B3GALT9: variants seen among roughly 807,000 people sequenced by gnomAD.
B3GALT9 encodes the protein beta-1,3-galactosyltransferase 9, also known as UDP-GlcNAc:betaGal beta-1,3-N-acetylglucosaminyltransferase 10 (putative).
Position 120,798,778 on chromosome 9 carries a change from T to G in B3GALT9, c.210T>G (p.Tyr70Ter). 2.5e-6 allele frequency: 1 copy of G among 399,142 alleles called. No homozygotes were observed. Among genetic ancestry groups the G allele is most frequent in the Non-Finnish European group, 4.4e-6 (1 of 226,088 alleles). 24.7% of individuals were successfully genotyped at this position (399,142 alleles called of 1,614,324 possible). A position where few individuals can be genotyped will look rare whatever the true frequency, so the allele number is the denominator to read the frequency against. The change falls in exon 3 of 3, where the codon TAT becomes TAG. Residue 70 changes from tyrosine (Y) to a stop codon, truncating the protein, a stop_gained. Transcript: ENST00000689072. LOFTEE classifies it high-confidence loss of function. The part of the protein sequence containing the change: ...IEPLRSNLSK[Y>*]YVLSQSEICK... ...CCCTAAGAAGTAATCTCTCCAAATA[T>G]TATGTCCTGAGCCAGTCAGAAATAT... is the stretch of plus-strand genomic sequence containing the variant.
Position 120,799,918 on chromosome 9 carries a change from G to A in B3GALT9, c.*240G>A, listed in dbSNP as rs533261248. On this transcript the variant is annotated 3_prime_UTR_variant, in exon 3 of 3. Transcript: ENST00000689072. ...AATGAAATATTTCTCTCAAAAGAGA[G>A]AACATTATGTTTCATTGTTTATTTA... 2.4e-4 allele frequency: 78 copies of A among 319,882 alleles called. No individual in the cohort carries two copies. The Middle Eastern group carries it at 4.2e-3, about 17-fold the overall frequency. The allele number at this position is 319,882 out of a possible 1,614,324, so 19.8% of individuals were successfully genotyped here.
chr9:120,794,150 T>A (rs965872888), intron 1 of B3GALT9, among the ~76,000 whole-genome samples: 3 of 152,168 alleles, frequency 2.0e-5, no homozygotes, highest in African/African-American at 7.2e-5. Context: ...TCCCACGCAC[T>A]CTTTCTCAAC....
At position 120,798,556 on chromosome 9, in the gene B3GALT9, G is replaced by A. The variant is rs931623659; in HGVS notation, c.7-19G>A. 7.5e-6 allele frequency: 3 copies of A among 399,660 alleles called. No homozygotes were observed. The highest frequency in any genetic ancestry group is 4.4e-5 in the Admixed American group (1 of 22,744). The allele number at this position is 399,660 out of a possible 1,614,324, so 24.8% of individuals were successfully genotyped here. A position where few individuals can be genotyped will look rare whatever the true frequency, so the allele number is the denominator to read the frequency against. ...ATAGAGGTGAAGCCTGAATGAACAC[G>A]TGTCCTTTCCTTTTTTAGGTGACTT... is the stretch of plus-strand genomic sequence containing the variant. On this transcript the variant is annotated intron_variant, in intron 2 of 2. Coordinates refer to ENST00000689072, the MANE Select transcript of B3GALT9 (RefSeq NM_001386823.1).
In B3GALT9 at chr9:120,796,429, G is replaced by C. The variant is rs1323499285; in HGVS notation, c.-175G>C. 1 of 152,168 alleles carries C rather than the reference G, an allele frequency of 6.6e-6. No homozygotes were observed. Among genetic ancestry groups the C allele is most frequent in the African/African-American group, 2.4e-5 (1 of 41,432 alleles). 9.4% of individuals were successfully genotyped at this position (152,168 alleles called of 1,614,324 possible). ...CACCCACTCTCCTATGCAGTCAGCA[G>C]GTATTCTAGGATAAAAGCTCAGGTT... On this transcript the variant is annotated 5_prime_UTR_variant, in exon 2 of 3. Transcript: ENST00000689072.
intron 1 of B3GALT9, among the ~76,000 whole-genome samples, chr9:120,794,725 C>T (rs928063925): frequency 3.3e-5 from 5 of 152,154 alleles, no homozygotes; most frequent in South Asian, 2.1e-4. Context: ...TACATGCATA[C>T]ACGCACATTC....
At chr9:120,795,514 G>A (rs984941370) in intron 1 of B3GALT9, among the ~76,000 whole-genome samples, 1 of 152,186 alleles carries the variant, frequency 6.6e-6, no homozygotes, top group Non-Finnish European at 1.5e-5. Flanking sequence ...GTTAAATTCA[G>A]AATATGTAAA....
At position 120,800,858 on chromosome 9, in the gene B3GALT9, C is replaced by T. The variant is rs1376586639; in HGVS notation, c.*1180C>T. 1.3e-5 allele frequency among the ~76,000 whole-genome samples: 2 copies of T among 152,192 alleles called. No individual in the cohort carries two copies. The highest frequency in any genetic ancestry group is 2.9e-5 in the Non-Finnish European group (2 of 68,026). ...TAACAAAAATGTTGGATCTCTTGGC[C>T]ATATCTGCCAAGTTTTCCCAACCCC... On this transcript the variant is annotated 3_prime_UTR_variant, in exon 3 of 3. Coordinates refer to ENST00000689072, the MANE Select transcript of B3GALT9 (RefSeq NM_001386823.1).
rs1165289797 is a variant in B3GALT9 at position 120,799,743 on chromosome 9, C to T, written c.*65C>T. 5.0e-6 allele frequency: 2 copies of T among 397,708 alleles called. No homozygotes were observed. Among genetic ancestry groups the T allele is most frequent in the Non-Finnish European group, 8.8e-6 (2 of 226,004 alleles). 24.6% of individuals were successfully genotyped at this position (397,708 alleles called of 1,614,324 possible). A position where few individuals can be genotyped will look rare whatever the true frequency, so the allele number is the denominator to read the frequency against. ...TTACCTTCTACCCTGTTATGGAAAG[C>T]ATCCCTTCTTTCCCATGTTTTATGT... On this transcript the variant is annotated 3_prime_UTR_variant, in exon 3 of 3. Transcript: ENST00000689072.
intron 1 of B3GALT9, among the ~76,000 whole-genome samples, chr9:120,796,095 G>A (rs2044936870): frequency 6.6e-6 from 1 of 152,116 alleles, no homozygotes; most frequent in Admixed American, 6.6e-5. Flanking sequence ...ACCCACTAGG[G>A]ATGAAAAATC....
Position 120,799,558 on chromosome 9 carries a change from A to G in B3GALT9, c.990A>G (p.Glu330=), listed in dbSNP as rs984545972. 1.5e-5 allele frequency: 6 copies of G among 399,752 alleles called. No homozygotes were observed. In the East Asian group the frequency reaches 2.1e-4, roughly 14 times the overall value. 24.8% of individuals were successfully genotyped at this position (399,752 alleles called of 1,614,324 possible). Residue 330 remains glutamate, a synonymous_variant, in exon 3 of 3, where the codon GAA becomes GAG. Coordinates refer to ENST00000689072, the MANE Select transcript of B3GALT9 (RefSeq NM_001386823.1). ...GGAAGGAAATTAATGATGGAAAAGA[A>G]TGTACACTGTTTGAGACATCCTATG... ...LAWKEINDGK[E]CTLFETSYEL...
intron 2 of B3GALT9, among the ~76,000 whole-genome samples, 156 bp from the exon 3 acceptor site, chr9:120,798,419 C>T (rs1194945342): frequency 2.0e-5 from 3 of 152,098 alleles, no homozygotes; most frequent in African/African-American, 7.2e-5. Flanking sequence ...GTCCAGGAGA[C>T]CATAATCTAG....
At chr9:120,794,507 TGTGTGTGTG>T (rs2044921183) in intron 1 of B3GALT9, among the ~76,000 whole-genome samples, 1 of 874 alleles carries the variant, frequency 1.1e-3, no homozygotes, top group African/African-American at 2.1e-3. Context: ...CCCAGCTAGT[TGTGTGTGTG>T]TGTGTGTGTG....
At chr9:120,793,981 A>G (rs893882755) in intron 1 of B3GALT9, 59 bp downstream of exon 1, 12 of 229,828 alleles carry the variant, frequency 5.2e-5, no homozygotes, top group African/African-American at 2.7e-4. Context: ...AATGAATCAC[A>G]ACGTTTACAC....
chr9:120,800,551 A>G lies in B3GALT9; in HGVS notation c.*873A>G, dbSNP rs1238679958. Among the ~76,000 whole-genome samples the G allele has an allele frequency of 6.6e-6, 1 of 151,958 alleles. No homozygotes were observed. The highest frequency in any genetic ancestry group is 1.5e-5 in the Non-Finnish European group (1 of 67,994). On this transcript the variant is annotated 3_prime_UTR_variant, in exon 3 of 3. Transcript: ENST00000689072. ...AAGTGTTGGGATTATAGGTGTGAGGAACCGTACCTGGCCAGTACACAATTC... is the reference window on the plus strand; with the variant it reads ...AAGTGTTGGGATTATAGGTGTGAGGGACCGTACCTGGCCAGTACACAATTC...
At chr9:120,796,785 G>A (rs756755922) in intron 2 of B3GALT9, among the ~76,000 whole-genome samples, 176 bp downstream of exon 2, 6 of 152,096 alleles carry the variant, frequency 3.9e-5, no homozygotes, top group Admixed American at 1.3e-4. Context: ...GGCCAGGTGC[G>A]GTGGCTCACG....
chr9:120,795,767 A>C (rs1332196298), intron 1 of B3GALT9, among the ~76,000 whole-genome samples: 1 of 152,258 alleles, frequency 6.6e-6, no homozygotes, highest in Non-Finnish European at 1.5e-5. Flanking sequence ...CTTGTGTGAC[A>C]GGAACATGAA....
At position 120,793,895 on chromosome 9, in the gene B3GALT9, C is replaced by G. The variant is rs1227032510; in HGVS notation, c.-209C>G. ...GAGGAGGAAGACAGATAAACTAAGG[C>G]TCGTGCAAAGGAGAAAAATAAAGCA... On this transcript the variant is annotated 5_prime_UTR_variant, in exon 1 of 3. Transcript: ENST00000689072. The G allele has an allele frequency of 2.7e-6, 1 of 371,120 alleles. No individual in the cohort carries two copies. Among genetic ancestry groups the G allele is most frequent in the Non-Finnish European group, 4.8e-6 (1 of 209,702 alleles). 23.0% of individuals were successfully genotyped at this position (371,120 alleles called of 1,614,324 possible). A position where few individuals can be genotyped will look rare whatever the true frequency, so the allele number is the denominator to read the frequency against.
At position 120,800,324 on chromosome 9, in the gene B3GALT9, G is replaced by T. The variant is rs1245160040; in HGVS notation, c.*646G>T. On this transcript the variant is annotated 3_prime_UTR_variant, in exon 3 of 3. Transcript: ENST00000689072. Reference sequence around the variant, plus strand: ...AGTAGAGGCGGGGTTTCACCATGTTGGCCAGGCTGGTCTCGAACTCCTGGC... The same window carrying T: ...AGTAGAGGCGGGGTTTCACCATGTTTGCCAGGCTGGTCTCGAACTCCTGGC... Among the ~76,000 whole-genome samples the T allele has an allele frequency of 6.6e-6, 1 of 151,440 alleles. No homozygotes were observed. Among genetic ancestry groups the T allele is most frequent in the East Asian group, 1.9e-4 (1 of 5,156 alleles).
chr9:120,794,342 C>CTT (rs113250464), intron 1 of B3GALT9, among the ~76,000 whole-genome samples: 1,491 of 144,976 alleles, frequency 0.01, 35 homozygotes, highest in African/African-American at 0.035. Context: ...ACAAGTTATC[C>CTT]TTTTTTTTTT....
Sources: allele counts gnomAD v4.1 joint callset (sites outside exome capture counted in the v4.1 genomes callset), GRCh38; gene constraint gnomAD v4.1.1; transcripts MANE v1.5; gene names NCBI Gene and HGNC (gene_info 2026-07-23, HGNC 2026-07-21).